Variants in LYPLA1 observed in about 807,000 individuals in gnomAD.
LYPLA1 encodes acyl-protein thioesterase 1.
Under a neutral mutation model 34.0 loss-of-function variants are expected in LYPLA1, and 17 were observed. That is an observed-to-expected ratio of 0.50 (90% CI 0.34 to 0.75). The LOEUF (loss-of-function observed/expected upper bound fraction) is 0.75. LYPLA1 is among the 30% of genes least tolerant of loss of function. The pLI is 0.01. For missense variants in LYPLA1, 203 were observed against 288.8 expected (o/e 0.70, Z 2.15); for synonymous variants, 98 against 100.8 (o/e 0.97, Z 0.17).
chr8:54,061,904 G>A (rs1225464918), intron 5 of LYPLA1, among the ~76,000 whole-genome samples: 2 of 152,152 alleles, frequency 1.3e-5, no homozygotes, highest in African/African-American at 2.4e-5. Context: ...TGCCCAGGCT[G>A]GAGCGCAGTG....
intron 2 of LYPLA1, among the ~76,000 whole-genome samples, chr8:54,070,298 A>G (rs1301459062): frequency 6.6e-6 from 1 of 151,890 alleles, no homozygotes; most frequent in East Asian, 2.0e-4. Flanking sequence ...CTGGGCAACA[A>G]GAGTGAAACT....
At chr8:54,049,894 T>C (rs1479761696) in intron 8 of LYPLA1, among the ~76,000 whole-genome samples, 5 of 152,226 alleles carry the variant, frequency 3.3e-5, no homozygotes, top group Admixed American at 2.0e-4. Context: ...GGTGGCTTAA[T>C]ATTGGGTACT....
intron 2 of LYPLA1, among the ~76,000 whole-genome samples, chr8:54,090,844 T>G (rs939469060): frequency 1.3e-5 from 2 of 152,304 alleles, no homozygotes; most frequent in Non-Finnish European, 2.9e-5. Context: ...ATGCTGTTCT[T>G]ATGACAGTGA....
intron 2 of LYPLA1, among the ~76,000 whole-genome samples, chr8:54,096,215 T>C (rs745486181): frequency 3.3e-5 from 5 of 152,248 alleles, no homozygotes; most frequent in Non-Finnish European, 5.9e-5. Context: ...ATAAATGTTA[T>C]TTCTGCAACT....
intron 2 of LYPLA1, among the ~76,000 whole-genome samples, chr8:54,067,996 A>G (rs531408042): frequency 2.0e-5 from 3 of 152,108 alleles, no homozygotes; most frequent in African/African-American, 7.2e-5. Context: ...CCCCTGTTAA[A>G]TACTTTTCTA....
At chr8:54,082,345 G>A (rs996279089) in intron 2 of LYPLA1, among the ~76,000 whole-genome samples, 3 of 152,210 alleles carry the variant, frequency 2.0e-5, no homozygotes, top group South Asian at 4.1e-4. Flanking sequence ...TACAATTAGG[G>A]GAGAAAAGAC....
intron 5 of LYPLA1, among the ~76,000 whole-genome samples, chr8:54,059,154 C>T (rs2129329993): frequency 6.6e-6 from 1 of 152,316 alleles, no homozygotes; most frequent in South Asian, 2.1e-4. Flanking sequence ...CTAACACTTA[C>T]CCTCATACTT....
At chr8:54,089,073 C>T (rs1809007646) in intron 2 of LYPLA1, among the ~76,000 whole-genome samples, 1 of 152,196 alleles carries the variant, frequency 6.6e-6, no homozygotes, top group African/African-American at 2.4e-5. Flanking sequence ...AATAAGTAGT[C>T]TGCAGATGAA....
rs1216043934 is a variant in LYPLA1, at chr8:54,101,579, C to T, written c.69+176G>A. On this transcript the variant is annotated intron_variant, in intron 1 of 8. Transcript: ENST00000316963. Reference sequence around the variant, plus strand: ...GGCCCTCGCGCCGGCTGTGACCCCCCGGCTGCCCCCGCCCCCCGCGGACCC... The same window carrying T: ...GGCCCTCGCGCCGGCTGTGACCCCCTGGCTGCCCCCGCCCCCCGCGGACCC... The T allele has an allele frequency of 1.7e-5, 19 of 1,150,566 alleles. No homozygotes were observed. The African/African-American group carries it at 2.6e-4, about 16-fold the overall frequency. The allele number at this position is 1,150,566 out of a possible 1,614,324, so 71.3% of individuals were successfully genotyped here.
At chr8:54,054,894 AAATT>A (rs1335202615) in intron 6 of LYPLA1, 162 bp downstream of exon 6, 2 of 581,432 alleles carry the variant, frequency 3.4e-6, no homozygotes. Flanking sequence ...TTTCAAGAAG[AAATT>A]AATTAGTTCC....
At chr8:54,099,159 C>CATA (rs1809916666) in intron 2 of LYPLA1, among the ~76,000 whole-genome samples, 1 of 151,538 alleles carries the variant, frequency 6.6e-6, no homozygotes, top group Admixed American at 6.6e-5. Flanking sequence ...ATCATTCAGG[C>CATA]ATAGAAGTGC....
At chr8:54,059,622 A>G (rs937931532) in intron 5 of LYPLA1, among the ~76,000 whole-genome samples, 3 of 152,112 alleles carry the variant, frequency 2.0e-5, no homozygotes, top group Non-Finnish European at 4.4e-5. Flanking sequence ...TGTTTTAAAG[A>G]CCTTAAAGAG....
At chr8:54,083,751 A>C (rs959144169) in intron 2 of LYPLA1, among the ~76,000 whole-genome samples, 2 of 152,246 alleles carry the variant, frequency 1.3e-5, no homozygotes, top group Non-Finnish European at 2.9e-5. Context: ...ACCATTTAGA[A>C]AAAGTAAAAA....
chr8:54,100,828 A>G (rs1810076123), intron 2 of LYPLA1, 80 bp downstream of exon 2: 1 of 1,124,092 alleles, frequency 8.9e-7, no homozygotes, highest in South Asian at 1.3e-5. Flanking sequence ...GCGCCCTTAA[A>G]CATTAAACCT....
At chr8:54,086,663 G>A (rs1808810494) in intron 2 of LYPLA1, among the ~76,000 whole-genome samples, 1 of 149,754 alleles carries the variant, frequency 6.7e-6, no homozygotes. Flanking sequence ...AGGAGTTCAA[G>A]ACCAGCCTGT....
At chr8:54,081,384 A>G (rs1386901983) in intron 2 of LYPLA1, among the ~76,000 whole-genome samples, 2 of 151,918 alleles carry the variant, frequency 1.3e-5, no homozygotes, top group Non-Finnish European at 2.9e-5. Flanking sequence ...CTCTCGTCCA[A>G]TGAAAGAGCT....
At chr8:54,048,494 G>C (rs1805623804) in intron 8 of LYPLA1, among the ~76,000 whole-genome samples, 1 of 152,116 alleles carries the variant, frequency 6.6e-6, no homozygotes, top group Non-Finnish European at 1.5e-5. Context: ...TCTTCAAACT[G>C]AATTATGCGC....
At chr8:54,099,644 A>G (rs1809960318) in intron 2 of LYPLA1, among the ~76,000 whole-genome samples, 1 of 152,046 alleles carries the variant, frequency 6.6e-6, no homozygotes, top group Non-Finnish European at 1.5e-5. Context: ...CCAGGGCAAC[A>G]CAGCAGACCC....
intron 2 of LYPLA1, among the ~76,000 whole-genome samples, chr8:54,080,658 G>C (rs1661464771): frequency 6.6e-6 from 1 of 152,164 alleles, no homozygotes; most frequent in South Asian, 2.1e-4. Context: ...GGTGATCTCG[G>C]TTCACTGCAA....
Sources: allele counts gnomAD v4.1 joint callset (sites outside exome capture counted in the v4.1 genomes callset), GRCh38; gene constraint gnomAD v4.1.1; transcripts MANE v1.5; gene names NCBI Gene and HGNC (gene_info 2026-07-23, HGNC 2026-07-21).